The following CACHD1 variants were observed in gnomAD, a reference collection of about 807,000 sequenced individuals.
The protein encoded by CACHD1 is cache domain containing 1, also known as VWFA and cache domain-containing protein 1.
Under a neutral mutation model 138.7 loss-of-function variants are expected in CACHD1, and 71 were observed. That is an observed-to-expected ratio of 0.51 (90% confidence interval 0.42 to 0.62). The LOEUF (loss-of-function observed/expected upper bound fraction) is 0.62, where lower values mean the gene tolerates loss of function less well. Among genes scored for constraint, CACHD1 ranks in the 20% least tolerant of loss-of-function variants. The probability of loss-of-function intolerance (pLI) is 0.00; values close to 1 mark genes in which losing one functional copy is unlikely to be tolerated. For synonymous variants in CACHD1, 578 were observed against 591.5 expected, an observed-to-expected ratio of 0.98 and a Z score of 0.33; for missense variants, 1,389 against 1,625.3, an observed-to-expected ratio of 0.85 and a Z score of 2.50.
At chr1:64,640,850 C>T (rs972823100) in intron 7 of CACHD1, among the ~76,000 whole-genome samples, 1 of 151,456 alleles carries the variant, frequency 6.6e-6, no homozygotes, top group East Asian at 1.9e-4. Flanking sequence ...GTCATTTAGC[C>T]TCTGCTTATT....
intron 1 of CACHD1, among the ~76,000 whole-genome samples, chr1:64,515,328 AAAAC>A (rs1023855049): frequency 2.6e-5 from 4 of 152,212 alleles, no homozygotes; most frequent in Admixed American, 1.3e-4. Context: ...GGTTATGACA[AAAAC>A]AGACAAGAAA....
At chr1:64,515,332 C>T (rs1325275651) in intron 1 of CACHD1, among the ~76,000 whole-genome samples, 2 of 152,078 alleles carry the variant, frequency 1.3e-5, no homozygotes, top group African/African-American at 4.8e-5. Flanking sequence ...ATGACAAAAA[C>T]AGACAAGAAA....
chr1:64,680,137 T>G (rs1650123627), intron 24 of CACHD1, among the ~76,000 whole-genome samples: 1 of 152,214 alleles, frequency 6.6e-6, no homozygotes, highest in Non-Finnish European at 1.5e-5. Context: ...TCTGTTCGAT[T>G]GCAGCTGCCA....
intron 1 of CACHD1, among the ~76,000 whole-genome samples, chr1:64,544,700 A>G (rs1189880632): frequency 3.3e-5 from 5 of 151,908 alleles, no homozygotes; most frequent in Non-Finnish European, 7.4e-5. Flanking sequence ...TGTGACTCTA[A>G]TTTTTAACTT....
chr1:64,658,117 G>T (rs1649325392), intron 12 of CACHD1, among the ~76,000 whole-genome samples: 1 of 152,204 alleles, frequency 6.6e-6, no homozygotes, highest in Non-Finnish European at 1.5e-5. Context: ...TGACTCTGCA[G>T]GGATGCCATA....
At chr1:64,690,054 G>A (rs1227331402) in intron 26 of CACHD1, among the ~76,000 whole-genome samples, 1 of 152,164 alleles carries the variant, frequency 6.6e-6, no homozygotes, top group Non-Finnish European at 1.5e-5. Flanking sequence ...TCCAATAAAT[G>A]AATAAGTGAA....
intron 2 of CACHD1, among the ~76,000 whole-genome samples, chr1:64,565,986 A>G (rs1175793812): frequency 6.6e-6 from 1 of 152,222 alleles, no homozygotes; most frequent in Non-Finnish European, 1.5e-5. Flanking sequence ...CTTTTCTCAC[A>G]TAACTTGGCT....
At chr1:64,626,164 C>T (rs925547340) in intron 4 of CACHD1, among the ~76,000 whole-genome samples, 1 of 152,162 alleles carries the variant, frequency 6.6e-6, no homozygotes, top group Non-Finnish European at 1.5e-5. Flanking sequence ...GTTTATTGAC[C>T]AATGTCTTTA....
chr1:64,606,100 G>A (rs1647327537), intron 4 of CACHD1, among the ~76,000 whole-genome samples: 1 of 106,560 alleles, frequency 9.4e-6, no homozygotes, highest in Non-Finnish European at 1.9e-5. Flanking sequence ...TAGGTCAGGA[G>A]CTGTAAACAC....
intron 1 of CACHD1, 78 bp downstream of exon 1, chr1:64,471,020 C>T (rs1646140682): frequency 7.1e-7 from 1 of 1,401,790 alleles, no homozygotes; most frequent in African/African-American, 1.4e-5. Flanking sequence ...GGTACAAGTC[C>T]CCTGGACTGT....
At chr1:64,679,345 C>A (rs2499822) in intron 23 of CACHD1, among the ~76,000 whole-genome samples, 5,044 of 152,274 alleles carry the variant, frequency 0.033, 301 homozygotes, top group African/African-American at 0.12. Context: ...TCTGCTCACT[C>A]TTCCCAGCAG....
At chr1:64,484,690 A>C (rs1211875248) in intron 1 of CACHD1, among the ~76,000 whole-genome samples, 1 of 152,198 alleles carries the variant, frequency 6.6e-6, no homozygotes. Context: ...ATCTCTCTGA[A>C]TTTGGCTACT....
chr1:64,541,893 C>CCAACTATCATAGAA (rs1646680090), intron 1 of CACHD1, among the ~76,000 whole-genome samples: 2 of 145,726 alleles, frequency 1.4e-5, no homozygotes, highest in Admixed American at 1.3e-4. Flanking sequence ...CCCCATACCT[C>CCAACTATCATAGAA]CAACTATCAT....
In CACHD1 at chr1:64,692,014, A is replaced by G. The variant is rs1390167312; in HGVS notation, c.*453A>G. 1 of 181,524 alleles carries G rather than the reference A, an allele frequency of 5.5e-6. No individual in the cohort carries two copies. Among genetic ancestry groups the G allele is most frequent in the African/African-American group, 2.3e-5 (1 of 43,144 alleles). The allele number at this position is 181,524 out of a possible 1,614,324, so 11.2% of individuals were successfully genotyped here. On this transcript the variant is annotated 3_prime_UTR_variant, in exon 27 of 27. Transcript: ENST00000651257. ...CATTGAAGATTTCGCTTTGTTTCTTAGCGGTACCTGGATACCACAGTTGCT... is the reference window on the plus strand; with the variant it reads ...CATTGAAGATTTCGCTTTGTTTCTTGGCGGTACCTGGATACCACAGTTGCT...
At chr1:64,573,286 G>A (rs2100516136) in intron 2 of CACHD1, among the ~76,000 whole-genome samples, 1 of 152,290 alleles carries the variant, frequency 6.6e-6, no homozygotes, top group Middle Eastern at 3.4e-3. Flanking sequence ...ACGAGGAAGA[G>A]ACAGACACTC....
intron 9 of CACHD1, among the ~76,000 whole-genome samples, chr1:64,648,489 G>A (rs1169159878): frequency 6.6e-6 from 1 of 151,926 alleles, no homozygotes; most frequent in Non-Finnish European, 1.5e-5. Flanking sequence ...CTGTAAAATG[G>A]GATAGTAAAT....
At position 64,606,635 on chromosome 1, in the gene CACHD1, C is replaced by T. The variant is rs148673163; in HGVS notation, c.517+3723C>T. Among the ~76,000 whole-genome samples, 5 of 152,276 alleles carry T rather than the reference C, an allele frequency of 3.3e-5. No homozygotes were observed. In the East Asian group the frequency reaches 9.6e-4, roughly 29 times the overall value. The stretch of plus-strand genomic sequence containing the variant: ...GGTTAAAAGGTTTACTGAGCCAAGA[C>T]TAGACTGGACAAGGCAAAGGTAGAA... On this transcript the variant is annotated intron_variant, in intron 4 of 26. Coordinates refer to ENST00000651257, the MANE Select transcript of CACHD1 (RefSeq NM_020925.4).
chr1:64,518,480 T>C (rs1438817753), intron 1 of CACHD1, among the ~76,000 whole-genome samples: 1 of 152,150 alleles, frequency 6.6e-6, no homozygotes, highest in East Asian at 1.9e-4. Context: ...ATCAAGTTAA[T>C]TGGAAATCTG....
intron 4 of CACHD1, among the ~76,000 whole-genome samples, chr1:64,625,847 A>G (rs565566198): frequency 1.7e-4 from 26 of 152,298 alleles, no homozygotes; most frequent in South Asian, 1.0e-3. Flanking sequence ...CTGAAACCTT[A>G]GTGCATGTTA....
Sources: allele counts gnomAD v4.1 joint callset (sites outside exome capture counted in the v4.1 genomes callset), GRCh38; gene constraint gnomAD v4.1.1; transcripts MANE v1.5; gene names NCBI Gene and HGNC (gene_info 2026-07-23, HGNC 2026-07-21).